Variants in CCDC92 observed in about 807,000 individuals in gnomAD.
The protein encoded by CCDC92 is coiled-coil domain-containing protein 92.
A neutral mutation model predicts 24.9 loss-of-function variants in CCDC92; 12 were observed. That is an observed-to-expected ratio of 0.48 (90% CI 0.31 to 0.78). The LOEUF (loss-of-function observed/expected upper bound fraction) is 0.78. CCDC92 is among the 30% of genes least tolerant of loss of function. CCDC92 has a pLI of 0.05. For missense variants in CCDC92, 399 were observed against 439.4 expected (o/e 0.91, Z 0.82); for synonymous variants, 193 against 196.3 (o/e 0.98, Z 0.14).
intron 1 of CCDC92, among the ~76,000 whole-genome samples, chr12:123,949,107 C>A (rs553026540): frequency 6.6e-6 from 1 of 152,156 alleles, no homozygotes; most frequent in Non-Finnish European, 1.5e-5. Flanking sequence ...AAAGGGTCAG[C>A]GTGGCAGATG....
At chr12:123,950,221 A>G (rs1394566529) in intron 1 of CCDC92, among the ~76,000 whole-genome samples, 2 of 152,228 alleles carry the variant, frequency 1.3e-5, no homozygotes, top group African/African-American at 2.4e-5. Flanking sequence ...GTGCACATCA[A>G]GTCTCTAATA....
chr12:123,942,648 A>T, intron 4 of CCDC92, 96 bp downstream of exon 4: 1 of 934,298 alleles, frequency 1.1e-6, no homozygotes, highest in South Asian at 1.3e-5. Context: ...TCCCAGCAAG[A>T]GCATTTTCTC....
intron 1 of CCDC92, among the ~76,000 whole-genome samples, chr12:123,967,544 C>G (rs1321604832): frequency 6.6e-6 from 1 of 152,132 alleles, no homozygotes; most frequent in East Asian, 1.9e-4. Flanking sequence ...CAAAAAGCCT[C>G]CTTCAATGTT....
At chr12:123,944,458 C>A in intron 1 of CCDC92, 94 bp from the exon 2 acceptor site, 1 of 710,770 alleles carries the variant, frequency 1.4e-6, no homozygotes, top group Non-Finnish European at 2.2e-6. Context: ...TCCAGAGAAC[C>A]CTCCGTAAAG....
At chr12:123,962,413 G>C (rs949003450) in intron 1 of CCDC92, 3 of 152,068 alleles carry the variant, frequency 2.0e-5, no homozygotes, top group Non-Finnish European at 4.4e-5. Context: ...TTTTTAAATT[G>C]GTTGCCTTAT....
chr12:123,938,752 G>A (rs939823672), intron 4 of CCDC92, among the ~76,000 whole-genome samples: 1 of 152,210 alleles, frequency 6.6e-6, no homozygotes, highest in Non-Finnish European at 1.5e-5. Flanking sequence ...CTCCAAGTGA[G>A]TGTCCGTCAG....
At chr12:123,951,000 C>CGG (rs1293798433) in intron 1 of CCDC92, among the ~76,000 whole-genome samples, 1 of 152,162 alleles carries the variant, frequency 6.6e-6, no homozygotes, top group Non-Finnish European at 1.5e-5. Flanking sequence ...TGTCAACACT[C>CGG]GGGTCCTCTA....
At chr12:123,970,775 A>T (rs78101926) in intron 1 of CCDC92, among the ~76,000 whole-genome samples, 6,301 of 152,362 alleles carry the variant, frequency 0.041, 402 homozygotes, top group African/African-American at 0.13. Flanking sequence ...AGATAGAAGG[A>T]AAAAAGTTCC....
chr12:123,953,531 C>A (rs2138060927), intron 1 of CCDC92, among the ~76,000 whole-genome samples: 1 of 152,332 alleles, frequency 6.6e-6, no homozygotes, highest in South Asian at 2.1e-4. Context: ...GTAATCCCAG[C>A]ACTTTGGGAG....
At chr12:123,943,019 C>A (rs1005091019) in intron 3 of CCDC92, among the ~76,000 whole-genome samples, 2 of 152,170 alleles carry the variant, frequency 1.3e-5, no homozygotes, top group Non-Finnish European at 2.9e-5. Context: ...CATTCCCCCA[C>A]AGCATATCCC....
At chr12:123,958,735 C>T (rs377021190) in intron 1 of CCDC92, among the ~76,000 whole-genome samples, 1 of 152,198 alleles carries the variant, frequency 6.6e-6, no homozygotes, top group Non-Finnish European at 1.5e-5. Context: ...ATCCTCACAC[C>T]GCTCTAGGAT....
At chr12:123,944,025 C>T (rs1955771116) in intron 2 of CCDC92, 2 of 523,116 alleles carry the variant, frequency 3.8e-6, no homozygotes, top group Admixed American at 3.8e-5. Context: ...GGAAATGGGC[C>T]AAACATTTCC....
intron 1 of CCDC92, among the ~76,000 whole-genome samples, chr12:123,955,353 G>A (rs947224523): frequency 1.3e-5 from 2 of 152,110 alleles, no homozygotes; most frequent in African/African-American, 4.8e-5. Flanking sequence ...AATTTTAATT[G>A]TCTACTAGTT....
intron 4 of CCDC92, among the ~76,000 whole-genome samples, chr12:123,939,046 C>G (rs552707192): frequency 6.6e-6 from 1 of 152,312 alleles, no homozygotes; most frequent in African/African-American, 2.4e-5. Flanking sequence ...CTGCCAGATG[C>G]CTTCCAGTTC....
At chr12:123,956,146 T>C (rs1363837519) in intron 1 of CCDC92, 1 of 152,250 alleles carries the variant, frequency 6.6e-6, no homozygotes, top group Non-Finnish European at 1.5e-5. Context: ...ACCAGGCATT[T>C]AATTTTAGTA....
chr12:123,963,849 T>C (rs990127413), intron 1 of CCDC92, among the ~76,000 whole-genome samples: 1 of 152,234 alleles, frequency 6.6e-6, no homozygotes, highest in Admixed American at 6.5e-5. Flanking sequence ...GTTTAAAGGC[T>C]TTAATATTTC....
chr12:123,944,408 A>C, intron 1 of CCDC92, 44 bp from the exon 2 acceptor site: 1 of 1,071,082 alleles, frequency 9.3e-7, no homozygotes, highest in Non-Finnish European at 1.3e-6. Context: ...TTATTATTGT[A>C]AATACAGAAC....
At chr12:123,955,470 C>T (rs550947681) in intron 1 of CCDC92, among the ~76,000 whole-genome samples, 1 of 152,326 alleles carries the variant, frequency 6.6e-6, no homozygotes, top group Non-Finnish European at 1.5e-5. Flanking sequence ...AACCAAGGTC[C>T]TAGGCCAAGG....
intron 1 of CCDC92, among the ~76,000 whole-genome samples, chr12:123,947,598 C>A (rs1273346893): frequency 6.6e-6 from 1 of 152,044 alleles, no homozygotes; most frequent in African/African-American, 2.4e-5. Context: ...TCTGGTGGGG[C>A]CTTGGAGAAC....
Sources: gnomAD v4.1 joint callset for allele counts (sites outside exome capture counted in the v4.1 genomes callset) on GRCh38, gnomAD v4.1.1 for gene constraint, MANE v1.5 for transcripts, NCBI Gene and HGNC (gene_info 2026-07-23, HGNC 2026-07-21) for gene names.